The following ADGRB3 variants were observed in gnomAD, a reference collection of about 807,000 sequenced individuals.
ADGRB3 encodes brain-specific angiogenesis inhibitor 3.
In ADGRB3, 37 loss-of-function variants were observed where a neutral mutation model predicts 193.4. That is an observed-to-expected ratio of 0.19 (90% CI 0.15 to 0.25). The LOEUF (loss-of-function observed/expected upper bound fraction) is 0.25, where lower values mean the gene tolerates loss of function less well. ADGRB3 is among the 10% of genes least tolerant of loss of function. The pLI is 1.00. For missense variants in ADGRB3, 1,637 were observed against 1,852.9 expected, an observed-to-expected ratio of 0.88 and a Z score of 2.14; for synonymous variants, 690 against 644.2, an observed-to-expected ratio of 1.07 and a Z score of -1.08.
chr6:69,088,903 T>A (rs1401299521), intron 17 of ADGRB3, among the ~76,000 whole-genome samples: 3 of 152,180 alleles, frequency 2.0e-5, no homozygotes, highest in Non-Finnish European at 4.4e-5. Context: ...AGAAGGAAAT[T>A]ATTTTCATAA....
chr6:69,264,326 C>T lies in ADGRB3; in HGVS notation c.2814+25100C>T, dbSNP rs140088695. On this transcript the variant is annotated intron_variant, in intron 20 of 31. Coordinates refer to ENST00000370598, the MANE Select transcript of ADGRB3 (RefSeq NM_001704.3). ...CAAGCCCAGCAGGTCTTTGCTTTCA[C>T]GTGCTAAAAAACTATCAGTGTGATC... Among the ~76,000 whole-genome samples the T allele has an allele frequency of 4.4e-3, 662 of 152,046 alleles. 3 individuals are homozygous for T. The highest frequency in any genetic ancestry group is 0.03 in the South Asian group (145 of 4,826).
At chr6:68,866,053 A>T (rs1765289695) in intron 3 of ADGRB3, among the ~76,000 whole-genome samples, 1 of 152,110 alleles carries the variant, frequency 6.6e-6, no homozygotes, top group Admixed American at 6.6e-5. Context: ...ATCTGATCCC[A>T]ATTATGGGTG....
At chr6:69,138,959 A>G (rs1222478805) in intron 17 of ADGRB3, among the ~76,000 whole-genome samples, 1 of 152,250 alleles carries the variant, frequency 6.6e-6, no homozygotes, top group African/African-American at 2.4e-5. Context: ...CAGAGTAAGT[A>G]GATCCTGGTT....
At chr6:68,800,583 G>T (rs1767292215) in intron 3 of ADGRB3, among the ~76,000 whole-genome samples, 1 of 152,106 alleles carries the variant, frequency 6.6e-6, no homozygotes, top group South Asian at 2.1e-4. Flanking sequence ...AGGAGAAGGG[G>T]AATAAACTGG....
chr6:69,308,250 A>G (rs1439019764), intron 20 of ADGRB3, among the ~76,000 whole-genome samples: 2 of 151,518 alleles, frequency 1.3e-5, no homozygotes, highest in Non-Finnish European at 2.9e-5. Context: ...TTTTATTCAT[A>G]GTGAAATCTA....
At chr6:69,311,418 T>C (rs1768189698) in intron 20 of ADGRB3, among the ~76,000 whole-genome samples, 1 of 151,738 alleles carries the variant, frequency 6.6e-6, no homozygotes, top group Non-Finnish European at 1.5e-5. Flanking sequence ...TTTCCGATGG[T>C]AATGAGCTGG....
At chr6:69,374,927 C>A (rs1219961712) in intron 30 of ADGRB3, among the ~76,000 whole-genome samples, 1 of 152,004 alleles carries the variant, frequency 6.6e-6, no homozygotes, top group Non-Finnish European at 1.5e-5. Flanking sequence ...GATAGCCACA[C>A]TGAATTTCAA....
chr6:68,779,374 C>T (rs546275026), intron 3 of ADGRB3, among the ~76,000 whole-genome samples: 4 of 151,518 alleles, frequency 2.6e-5, no homozygotes, highest in East Asian at 2.0e-4. Flanking sequence ...TGCCCCTTCC[C>T]TAGAGTCCTG....
chr6:68,926,462 G>A (rs1383951084), intron 3 of ADGRB3, among the ~76,000 whole-genome samples: 7 of 152,070 alleles, frequency 4.6e-5, no homozygotes, highest in Non-Finnish European at 1.5e-5. Context: ...TTAAGTTTAG[G>A]AAAATGTAAG....
intron 20 of ADGRB3, among the ~76,000 whole-genome samples, chr6:69,297,005 T>G (rs992271010): frequency 6.6e-6 from 1 of 152,160 alleles, no homozygotes; most frequent in Non-Finnish European, 1.5e-5. Flanking sequence ...TATTTCAGTT[T>G]TGCCACTTTG....
intron 3 of ADGRB3, among the ~76,000 whole-genome samples, chr6:68,791,836 C>T (rs1767112898): frequency 6.6e-6 from 1 of 152,074 alleles, no homozygotes; most frequent in Admixed American, 6.6e-5. Flanking sequence ...CAATATAGAA[C>T]ATTTTGGCCA....
intron 3 of ADGRB3, among the ~76,000 whole-genome samples, chr6:68,876,656 A>G (rs1048559334): frequency 1.3e-5 from 2 of 152,186 alleles, no homozygotes; most frequent in Non-Finnish European, 2.9e-5. Context: ...AATGATGAAT[A>G]AACAGTGCTA....
At chr6:69,147,445 A>G (rs1374491617) in intron 17 of ADGRB3, among the ~76,000 whole-genome samples, 3 of 152,160 alleles carry the variant, frequency 2.0e-5, no homozygotes, top group Admixed American at 2.0e-4. Flanking sequence ...ATGTTTTTGT[A>G]TAGTTTCCAA....
intron 3 of ADGRB3, among the ~76,000 whole-genome samples, chr6:68,704,990 AT>A (rs1765301083): frequency 6.6e-6 from 1 of 152,214 alleles, no homozygotes; most frequent in Admixed American, 6.5e-5. Flanking sequence ...TACAAAATGC[AT>A]TTATAAATAG....
chr6:68,697,991 G>A (rs890925345), intron 3 of ADGRB3, among the ~76,000 whole-genome samples: 2 of 151,464 alleles, frequency 1.3e-5, no homozygotes, highest in Non-Finnish European at 3.0e-5. Flanking sequence ...TAGAGAGGCA[G>A]ATATAGATAT....
At chr6:69,115,916 G>A (rs1043434428) in intron 17 of ADGRB3, among the ~76,000 whole-genome samples, 5 of 152,202 alleles carry the variant, frequency 3.3e-5, no homozygotes, top group Non-Finnish European at 5.9e-5. Context: ...ATCAGTCTGG[G>A]TTCTAGAGAG....
intron 3 of ADGRB3, among the ~76,000 whole-genome samples, chr6:68,656,878 C>T (rs1256894251): frequency 6.6e-6 from 1 of 151,484 alleles, no homozygotes; most frequent in African/African-American, 2.4e-5. Flanking sequence ...AAATAGAAAT[C>T]ATATCTATTC....
chr6:69,374,567 A>C (rs1225350795), intron 30 of ADGRB3, among the ~76,000 whole-genome samples: 4 of 152,208 alleles, frequency 2.6e-5, no homozygotes, highest in Non-Finnish European at 5.9e-5. Context: ...GCCAACTCAT[A>C]TATCCCTAAA....
intron 11 of ADGRB3, among the ~76,000 whole-genome samples, chr6:69,011,297 T>TA (rs1769930186): frequency 1.3e-5 from 2 of 151,774 alleles, no homozygotes; most frequent in Non-Finnish European, 2.9e-5. Context: ...ATGCAGCCAT[T>TA]AAAAAGAATG....
Sources: gnomAD v4.1 joint callset for allele counts (sites outside exome capture counted in the v4.1 genomes callset) on GRCh38, gnomAD v4.1.1 for gene constraint, MANE v1.5 for transcripts, NCBI Gene and HGNC (gene_info 2026-07-23, HGNC 2026-07-21) for gene names.